Variants in NEK7 observed in about 807,000 individuals in gnomAD.
NEK7 encodes NIMA related kinase 7, also known as serine/threonine-protein kinase Nek7.
Under a neutral mutation model 44.6 loss-of-function variants are expected in NEK7, and 18 were observed. That is an observed-to-expected ratio of 0.40 (90% confidence interval 0.28 to 0.60). The LOEUF (loss-of-function observed/expected upper bound fraction) is 0.60, where lower values mean the gene tolerates loss of function less well. Ranked by LOEUF, NEK7 falls within the 20% of genes least tolerant of loss-of-function variation. The pLI, the probability that NEK7 is intolerant of heterozygous loss-of-function variation, is 0.38. For missense variants in NEK7, 256 were observed against 366.5 expected (o/e 0.70, Z 2.46); for synonymous variants, 130 against 121.1 (o/e 1.07, Z -0.48).
chr1:198,227,532 T>C (rs1302047016), intron 1 of NEK7, among the ~76,000 whole-genome samples: 1 of 152,212 alleles, frequency 6.6e-6, no homozygotes, highest in Non-Finnish European at 1.5e-5. Context: ...CAGCACCTGT[T>C]GTTTCCTGGC....
chr1:198,280,769 A>G (rs1654170290), intron 7 of NEK7, among the ~76,000 whole-genome samples: 1 of 148,422 alleles, frequency 6.7e-6, no homozygotes, highest in Admixed American at 6.8e-5. Flanking sequence ...ATATTGTTTT[A>G]TATATATAAT....
intron 1 of NEK7, among the ~76,000 whole-genome samples, chr1:198,180,890 A>T (rs976085222): frequency 6.6e-6 from 1 of 152,136 alleles, no homozygotes; most frequent in South Asian, 2.1e-4. Flanking sequence ...AAAACTGTCT[A>T]TAAAATGCTT....
At chr1:198,308,506 G>T (rs181021141) in intron 9 of NEK7, among the ~76,000 whole-genome samples, 256 of 152,244 alleles carry the variant, frequency 1.7e-3, no homozygotes, top group Middle Eastern at 6.8e-3. Context: ...AGATACCCTG[G>T]TGAATATTTC....
intron 1 of NEK7, among the ~76,000 whole-genome samples, chr1:198,201,100 A>G (rs1665418072): frequency 6.6e-6 from 1 of 152,160 alleles, no homozygotes; most frequent in Non-Finnish European, 1.5e-5. Context: ...TTTTCATTGT[A>G]TATAATTGCT....
chr1:198,183,250 T>C (rs968139698), intron 1 of NEK7, among the ~76,000 whole-genome samples: 1 of 150,544 alleles, frequency 6.6e-6, no homozygotes, highest in Admixed American at 6.7e-5. Flanking sequence ...TGGCGATGTC[T>C]CTGGAAGATG....
At chr1:198,300,369 T>C (rs1050508687) in intron 9 of NEK7, among the ~76,000 whole-genome samples, 1 of 152,254 alleles carries the variant, frequency 6.6e-6, no homozygotes. Flanking sequence ...TCTCTAACTC[T>C]TATCAATGCA....
intron 1 of NEK7, chr1:198,206,828 T>G (rs1665612892): frequency 6.6e-6 from 1 of 152,168 alleles, no homozygotes; most frequent in African/African-American, 2.4e-5. Context: ...ATTCCATTCC[T>G]ATTGATTAGT....
chr1:198,261,626 C>T (rs1010427337), intron 3 of NEK7, among the ~76,000 whole-genome samples: 1 of 151,802 alleles, frequency 6.6e-6, no homozygotes, highest in African/African-American at 2.4e-5. Flanking sequence ...TGTTATGTAA[C>T]TAGGGTTTTA....
rs1170481274 is a variant in NEK7, at chr1:198,320,351, G to C, written c.*829G>C. The C allele has an allele frequency of 6.6e-6, 1 of 152,034 alleles. No homozygotes were observed. The highest frequency in any genetic ancestry group is 2.4e-5 in the African/African-American group (1 of 41,426). The allele number at this position is 152,034 out of a possible 1,614,324, so 9.4% of individuals were successfully genotyped here. A position where few individuals can be genotyped will look rare whatever the true frequency, so the allele number is the denominator to read the frequency against. ...AAAATATTCTTTGAATAACCTTGCA[G>C]TACTATATTTCAATTTCTTTATAAA... On this transcript the variant is annotated 3_prime_UTR_variant, in exon 10 of 10. Transcript: ENST00000367385.
chr1:198,307,197 C>T (rs1655044413), intron 9 of NEK7, among the ~76,000 whole-genome samples: 1 of 152,072 alleles, frequency 6.6e-6, no homozygotes, highest in Non-Finnish European at 1.5e-5. Context: ...GGGAAATATA[C>T]TATTAATAGT....
At chr1:198,311,289 G>A (rs1432889446) in intron 9 of NEK7, among the ~76,000 whole-genome samples, 1 of 105,264 alleles carries the variant, frequency 9.5e-6, no homozygotes, top group Non-Finnish European at 1.7e-5. Flanking sequence ...CATTGATTTT[G>A]TATCCTGAGA....
chr1:198,186,641 A>G (rs921267876), intron 1 of NEK7, among the ~76,000 whole-genome samples: 3 of 152,186 alleles, frequency 2.0e-5, no homozygotes, highest in Admixed American at 1.3e-4. Flanking sequence ...CTTTGCCCAT[A>G]CACATTCTTG....
At chr1:198,227,851 G>A (rs1160900099) in intron 1 of NEK7, among the ~76,000 whole-genome samples, 6 of 152,050 alleles carry the variant, frequency 3.9e-5, no homozygotes, top group Middle Eastern at 3.2e-3. Context: ...TTCTTTTGCT[G>A]TGCAGAAGCT....
intron 9 of NEK7, among the ~76,000 whole-genome samples, chr1:198,317,712 G>A (rs879294128): frequency 3.3e-5 from 5 of 151,826 alleles, no homozygotes; most frequent in Admixed American, 2.0e-4. Context: ...TTGTACCATG[G>A]TTATCTTTTC....
intron 5 of NEK7, among the ~76,000 whole-genome samples, chr1:198,264,501 G>T: frequency 6.6e-6 from 1 of 151,950 alleles, no homozygotes; most frequent in African/African-American, 2.4e-5. Flanking sequence ...TCTGTAAGTT[G>T]AGTTAAAGTT....
chr1:198,282,339 A>G (rs1484053589), intron 7 of NEK7, among the ~76,000 whole-genome samples: 1 of 152,000 alleles, frequency 6.6e-6, no homozygotes, highest in Admixed American at 6.6e-5. Flanking sequence ...CCTGGCATTC[A>G]GCGCCCTTTA....
intron 1 of NEK7, among the ~76,000 whole-genome samples, chr1:198,205,744 G>T (rs895019752): frequency 3.3e-5 from 5 of 151,874 alleles, no homozygotes; most frequent in African/African-American, 1.2e-4. Context: ...TTTAATAATG[G>T]TACGTGGAGT....
chr1:198,254,720 A>C lies in NEK7; in HGVS notation c.198+1540A>C, dbSNP rs146344008. ...AATGACTGCATCCCACAGGGGATGC[A>C]TGTGTACTGCAAGTTAATGCCAAGT... is the stretch of plus-strand genomic sequence containing the variant. On this transcript the variant is annotated intron_variant, in intron 3 of 9. Transcript: ENST00000367385. Among the ~76,000 whole-genome samples the C allele has an allele frequency of 3.4e-3, 524 of 152,276 alleles. 5 individuals carry two copies. Among genetic ancestry groups the C allele is most frequent in the African/African-American group, 0.012 (495 of 41,576 alleles).
At chr1:198,173,750 T>C (rs1664521310) in intron 1 of NEK7, among the ~76,000 whole-genome samples, 1 of 152,172 alleles carries the variant, frequency 6.6e-6, no homozygotes, top group Non-Finnish European at 1.5e-5. Flanking sequence ...CAGTATTAAT[T>C]AGATTTTCAT....
Sources: allele counts gnomAD v4.1 joint callset (sites outside exome capture counted in the v4.1 genomes callset), GRCh38; gene constraint gnomAD v4.1.1; transcripts MANE v1.5; gene names NCBI Gene and HGNC (gene_info 2026-07-23, HGNC 2026-07-21).